The following PDE4D variants were observed in gnomAD, a reference collection of about 807,000 sequenced individuals.
PDE4D encodes the protein 3',5'-cyclic-AMP phosphodiesterase 4D.
In PDE4D, 24 loss-of-function variants were observed where a neutral mutation model predicts 87.4. That is an observed-to-expected ratio of 0.27 (90% CI 0.20 to 0.39). The LOEUF is 0.39. PDE4D is among the 10% of genes least tolerant of loss of function. The pLI, the probability that PDE4D is intolerant of heterozygous loss-of-function variation, is 1.00. For missense variants in PDE4D, 714 were observed against 1,041.0 expected (o/e 0.69, Z 4.32); for synonymous variants, 384 against 383.2 (o/e 1.00, Z -0.02).
intron 1 of PDE4D, among the ~76,000 whole-genome samples, chr5:60,354,761 T>A (rs1759476567): frequency 6.6e-6 from 1 of 152,174 alleles, no homozygotes; most frequent in Non-Finnish European, 1.5e-5. Flanking sequence ...GGTCTCTGGG[T>A]TAGTTTTCAT....
intron 1 of PDE4D, among the ~76,000 whole-genome samples, chr5:60,320,285 C>T (rs976049921): frequency 6.6e-6 from 1 of 152,240 alleles, no homozygotes; most frequent in African/African-American, 2.4e-5. Flanking sequence ...CTGAGCCATG[C>T]ACGGGATATA....
At chr5:59,592,635 T>C (rs1826072035) in intron 1 of PDE4D, among the ~76,000 whole-genome samples, 2 of 152,150 alleles carry the variant, frequency 1.3e-5, no homozygotes, top group South Asian at 4.1e-4. Flanking sequence ...ATATGAAATA[T>C]ATTTCATAAT....
chr5:59,855,810 AATT>A (rs1745343363), intron 1 of PDE4D, among the ~76,000 whole-genome samples: 2 of 152,132 alleles, frequency 1.3e-5, no homozygotes, highest in South Asian at 2.1e-4. Context: ...TGATTCACAT[AATT>A]ATTATATCTA....
chr5:59,645,342 T>C (rs1247110276), intron 1 of PDE4D, among the ~76,000 whole-genome samples: 1 of 152,168 alleles, frequency 6.6e-6, no homozygotes, highest in Non-Finnish European at 1.5e-5. Flanking sequence ...CCTTTGCTTT[T>C]AGAATTTTGC....
intron 1 of PDE4D, among the ~76,000 whole-genome samples, chr5:59,431,599 A>T (rs1003372201): frequency 4.6e-5 from 7 of 152,060 alleles, no homozygotes; most frequent in African/African-American, 1.7e-4. Context: ...CAGAAATTTT[A>T]AGTTTGAAAG....
chr5:59,202,098 G>C (rs1032770106), intron 2 of PDE4D, among the ~76,000 whole-genome samples: 4 of 138,376 alleles, frequency 2.9e-5, no homozygotes, highest in African/African-American at 1.1e-4. Context: ...GAATGCAGTG[G>C]CTGCAATCTC....
chr5:59,467,289 C>T (rs1314392427), intron 1 of PDE4D, among the ~76,000 whole-genome samples: 2 of 152,202 alleles, frequency 1.3e-5, no homozygotes, highest in East Asian at 3.9e-4. Context: ...CAGGAATAAA[C>T]CAGTCTGTGT....
chr5:60,009,840 TGA>T (rs1764847168), intron 2 of PDE4D, among the ~76,000 whole-genome samples: 1 of 152,152 alleles, frequency 6.6e-6, no homozygotes, highest in South Asian at 2.1e-4. Flanking sequence ...TTAATTTTAC[TGA>T]GTCATGTTGA....
intron 1 of PDE4D, among the ~76,000 whole-genome samples, chr5:59,668,331 T>C (rs1746415586): frequency 1.3e-5 from 2 of 152,214 alleles, no homozygotes; most frequent in East Asian, 1.9e-4. Flanking sequence ...TCTTTACTGT[T>C]ACATATTCAC....
chr5:59,643,159 G>A (rs567457386), intron 1 of PDE4D, among the ~76,000 whole-genome samples: 2 of 152,296 alleles, frequency 1.3e-5, no homozygotes, highest in East Asian at 1.9e-4. Flanking sequence ...ATGAGATGAC[G>A]CCTATGGTTG....
In PDE4D at chr5:60,127,883, G is replaced by A. The variant is rs138414269; in HGVS notation, c.42+57674C>T. ...AGAGGCATGGGAAGTATAGTGTAAG[G>A]CAATAAAAAGGAGGACCACGCCTGA... On this transcript the variant is annotated intron_variant, in intron 2 of 16. Transcript: ENST00000502484. 4.7e-3 allele frequency among the ~76,000 whole-genome samples: 710 copies of A among 152,174 alleles called. 3 individuals are homozygous for A. Among genetic ancestry groups the A allele is most frequent in the Non-Finnish European group, 7.9e-3 (537 of 67,998 alleles).
intron 1 of PDE4D, among the ~76,000 whole-genome samples, chr5:59,860,647 C>A (rs563657510): frequency 3.7e-4 from 57 of 152,264 alleles, no homozygotes; most frequent in African/African-American, 1.3e-3. Flanking sequence ...CTGAGAATCA[C>A]ATTTAACTGG....
intron 1 of PDE4D, among the ~76,000 whole-genome samples, chr5:59,443,362 G>A (rs1052577797): frequency 2.6e-5 from 4 of 152,148 alleles, no homozygotes; most frequent in African/African-American, 9.7e-5. Context: ...GACAGCAAAT[G>A]TTATACTCAA....
intron 1 of PDE4D, among the ~76,000 whole-genome samples, chr5:59,551,883 T>C (rs1368457298): frequency 6.6e-6 from 1 of 152,136 alleles, no homozygotes; most frequent in Non-Finnish European, 1.5e-5. Context: ...CTCATAAATA[T>C]AGGTGTAGTA....
In PDE4D at chr5:59,724,438, T is replaced by G. The variant is rs147414152; in HGVS notation, c.455+168730A>C. 1.0e-3 allele frequency among the ~76,000 whole-genome samples: 154 copies of G among 152,188 alleles called. 3 individuals carry two copies. In the East Asian group the frequency reaches 0.027, roughly 27 times the overall value. ...GACTAAGTTGCATTTTGTAGGGGTGTACAGATCATTTTGTCACCCAGGTAA... is the reference window on the plus strand; with the variant it reads ...GACTAAGTTGCATTTTGTAGGGGTGGACAGATCATTTTGTCACCCAGGTAA... On this transcript the variant is annotated intron_variant, in intron 1 of 14. Coordinates refer to ENST00000340635, the MANE Select transcript of PDE4D (RefSeq NM_001104631.2).
chr5:58,999,524 T>C (rs1241922952), intron 6 of PDE4D: 1 of 1,539,444 alleles, frequency 6.5e-7, no homozygotes, highest in South Asian at 1.1e-5. Flanking sequence ...AGTAAATAGT[T>C]TGCTTCAGGC....
At chr5:59,409,094 G>A (rs1792207897) in intron 1 of PDE4D, among the ~76,000 whole-genome samples, 1 of 150,738 alleles carries the variant, frequency 6.6e-6, no homozygotes, top group Non-Finnish European at 1.5e-5. Flanking sequence ...GTTGCAGTGA[G>A]CCAAGATTGC....
chr5:59,487,132 T>A (rs1028973404), intron 1 of PDE4D, among the ~76,000 whole-genome samples: 1 of 152,052 alleles, frequency 6.6e-6, no homozygotes, highest in African/African-American at 2.4e-5. Context: ...AAAATCCTAG[T>A]CAGTATGGAG....
intron 2 of PDE4D, among the ~76,000 whole-genome samples, chr5:60,134,935 TAC>T (rs1294625031): frequency 6.6e-6 from 1 of 152,138 alleles, no homozygotes; most frequent in Non-Finnish European, 1.5e-5. Flanking sequence ...ACCCACTCCA[TAC>T]ACACACATAG....
Sources: gnomAD v4.1 joint callset for allele counts (sites outside exome capture counted in the v4.1 genomes callset) on GRCh38, gnomAD v4.1.1 for gene constraint, MANE v1.5 for transcripts, NCBI Gene and HGNC (gene_info 2026-07-23, HGNC 2026-07-21) for gene names.